Variants in CDH18 observed in about 807,000 individuals in gnomAD.
CDH18 encodes the protein cadherin-18.
A neutral mutation model predicts 67.9 loss-of-function variants in CDH18; 31 were observed. That is an observed-to-expected ratio of 0.46 (90% CI 0.34 to 0.62). The LOEUF (loss-of-function observed/expected upper bound fraction) is 0.62. Among genes scored for constraint, CDH18 ranks in the 20% least tolerant of loss-of-function variants. CDH18 has a pLI of 0.01. For synonymous variants in CDH18, 362 were observed against 347.2 expected (o/e 1.04, Z -0.48); for missense variants, 890 against 975.5 (o/e 0.91, Z 1.17).
intron 2 of CDH18, among the ~76,000 whole-genome samples, chr5:19,913,143 A>G (rs1791344297): frequency 6.6e-6 from 1 of 152,184 alleles, no homozygotes; most frequent in Admixed American, 6.6e-5. Flanking sequence ...TACACTAGAT[A>G]CTTTTATGTT....
chr5:20,084,965 AT>A (rs1744817107), intron 2 of CDH18, among the ~76,000 whole-genome samples: 1 of 151,956 alleles, frequency 6.6e-6, no homozygotes, highest in South Asian at 2.1e-4. Flanking sequence ...CATTTTCCAC[AT>A]TGTCTTGGGG....
In CDH18 at chr5:20,245,038, A is replaced by G. The variant is rs538486720; in HGVS notation, c.-518+10406T>C. ...CCCTCTTGCTGATTTACTGGCACCC[A>G]AGAGTTGCATTAAATCAGAAGCTAA... On this transcript the variant is annotated intron_variant, in intron 2 of 14. Coordinates refer to the CDH18 transcript ENST00000507958. Among the ~76,000 whole-genome samples, 5 of 152,226 alleles carry G rather than the reference A, an allele frequency of 3.3e-5. No individual in the cohort carries two copies. The East Asian group carries it at 7.7e-4, about 23-fold the overall frequency.
chr5:20,123,122 A>C (rs1332679473), intron 2 of CDH18, among the ~76,000 whole-genome samples: 1 of 151,266 alleles, frequency 6.6e-6, no homozygotes, highest in Non-Finnish European at 1.5e-5. Flanking sequence ...ATTTTGGATC[A>C]TTTATTTTCC....
chr5:20,069,780 G>A (rs952041192), intron 2 of CDH18, among the ~76,000 whole-genome samples: 1 of 152,058 alleles, frequency 6.6e-6, no homozygotes, highest in African/African-American at 2.4e-5. Context: ...TCAGAGAAAG[G>A]TACAGAGATT....
chr5:20,145,779 A>G (rs1032496992), intron 2 of CDH18, among the ~76,000 whole-genome samples: 6 of 152,036 alleles, frequency 3.9e-5, no homozygotes, highest in Non-Finnish European at 5.9e-5. Context: ...CCATATATTT[A>G]CTCTTGCCCC....
chr5:20,418,242 ATTTTTTTTTTT>A (rs58308147), intron 1 of CDH18, among the ~76,000 whole-genome samples: 10 of 56,936 alleles, frequency 1.8e-4, no homozygotes, highest in Non-Finnish European at 2.3e-4. Flanking sequence ...CTGCTGGCTA[ATTTTTTTTTTT>A]TTTTTTTTTT....
chr5:19,598,541 T>TCC (rs1746536101), intron 6 of CDH18, among the ~76,000 whole-genome samples: 2 of 152,236 alleles, frequency 1.3e-5, no homozygotes, highest in South Asian at 4.1e-4. Flanking sequence ...ATATGAAGGT[T>TCC]AAACTTCATG....
At chr5:20,467,905 T>A (rs1751757553) in intron 1 of CDH18, among the ~76,000 whole-genome samples, 1 of 152,124 alleles carries the variant, frequency 6.6e-6, no homozygotes, top group African/African-American at 2.4e-5. Flanking sequence ...ATGGTATTTC[T>A]GAATTTCAAA....
chr5:20,322,570 G>A (rs1437042358), intron 1 of CDH18, among the ~76,000 whole-genome samples: 1 of 152,024 alleles, frequency 6.6e-6, no homozygotes, highest in Non-Finnish European at 1.5e-5. Context: ...AGAAATAAAT[G>A]AGATTGTTTA....
intron 1 of CDH18, among the ~76,000 whole-genome samples, chr5:20,527,643 T>C (rs1756149322): frequency 6.6e-6 from 1 of 152,090 alleles, no homozygotes; most frequent in Middle Eastern, 3.2e-3. Flanking sequence ...ACCAAGAATT[T>C]CATATCCAGC....
At chr5:19,612,730 G>C in intron 5 of CDH18, 129 bp from the exon 6 acceptor site, 1 of 685,018 alleles carries the variant, frequency 1.5e-6, no homozygotes, top group East Asian at 2.7e-5. Context: ...ACACGTCTGA[G>C]AAAAACAATA....
intron 5 of CDH18, among the ~76,000 whole-genome samples, chr5:19,699,622 GTGTGTGTGTGTGTGTGTGTC>G (rs1762959352): frequency 8.6e-6 from 1 of 115,832 alleles, no homozygotes; most frequent in African/African-American, 3.6e-5. Flanking sequence ...ATGTGTGTGT[GTGTGTGTGTGTGTGTGTGTC>G]TGTGTGTGTG....
At chr5:19,563,730 T>A (rs999574181) in intron 8 of CDH18, among the ~76,000 whole-genome samples, 1 of 152,194 alleles carries the variant, frequency 6.6e-6, no homozygotes, top group African/African-American at 2.4e-5. Context: ...ATTGAAGAAC[T>A]TTCCATGAAA....
chr5:20,091,590 C>A (rs1246722408), intron 2 of CDH18, among the ~76,000 whole-genome samples: 1 of 152,152 alleles, frequency 6.6e-6, no homozygotes, highest in Non-Finnish European at 1.5e-5. Context: ...ATCATTATAG[C>A]TCAGCCAATA....
intron 2 of CDH18, among the ~76,000 whole-genome samples, chr5:20,223,334 T>G (rs1233354558): frequency 1.3e-5 from 2 of 152,212 alleles, no homozygotes; most frequent in East Asian, 1.9e-4. Flanking sequence ...AATTTATCCC[T>G]TTTGGAACAG....
chr5:19,849,980 T>C (rs1309010080), intron 2 of CDH18, among the ~76,000 whole-genome samples: 1 of 151,756 alleles, frequency 6.6e-6, no homozygotes, highest in African/African-American at 2.4e-5. Context: ...CAGCATCTTT[T>C]TCTAACACAG....
chr5:19,807,299 C>A (rs1234022480), intron 3 of CDH18, among the ~76,000 whole-genome samples: 2 of 151,734 alleles, frequency 1.3e-5, no homozygotes, highest in African/African-American at 4.8e-5. Context: ...ACCTGCAGAT[C>A]CTGCACATAA....
At chr5:20,219,582 C>G (rs1580508609) in intron 2 of CDH18, among the ~76,000 whole-genome samples, 1 of 150,118 alleles carries the variant, frequency 6.7e-6, no homozygotes, top group East Asian at 2.0e-4. Context: ...ACAAAATACT[C>G]AACAAAATAC....
At chr5:20,252,831 G>A (rs1164018241) in intron 2 of CDH18, among the ~76,000 whole-genome samples, 5 of 152,020 alleles carry the variant, frequency 3.3e-5, no homozygotes, top group Non-Finnish European at 5.9e-5. Context: ...CAACTACTTG[G>A]GAGACTGAGG....
Sources: gnomAD v4.1 joint callset for allele counts (sites outside exome capture counted in the v4.1 genomes callset) on GRCh38, gnomAD v4.1.1 for gene constraint, MANE v1.5 for transcripts, NCBI Gene and HGNC (gene_info 2026-07-23, HGNC 2026-07-21) for gene names.